The following JAK2 variants were observed in gnomAD, a reference collection of about 807,000 sequenced individuals.
JAK2 encodes the protein tyrosine-protein kinase JAK2.
Under a neutral mutation model 139.3 loss-of-function variants are expected in JAK2, and 86 were observed. The ratio of observed to expected loss-of-function variants is 0.62; its 90% CI spans 0.52 to 0.74. JAK2 has a LOEUF of 0.74. Among genes scored for constraint, JAK2 ranks in the 30% least tolerant of loss-of-function variants. JAK2 has a pLI of 0.00. For missense variants in JAK2, 1,421 were observed against 1,360.3 expected (o/e 1.04, Z -0.70); for synonymous variants, 490 against 437.7 (o/e 1.12, Z -1.49).
chr9:5,073,485 T>G lies in JAK2; in HGVS notation c.1777-213T>G, dbSNP rs1392506179. The stretch of plus-strand genomic sequence containing the variant: ...TGTACCACTCTTGCTCTCTCTCACT[T>G]TGATCTCCATATTCCAGGCTTACAC... On this transcript the variant is annotated intron_variant, in intron 13 of 24. Transcript: ENST00000381652. 2.0e-5 allele frequency among the ~76,000 whole-genome samples: 3 copies of G among 152,160 alleles called. No individual in the cohort carries two copies. The South Asian group carries it at 6.2e-4, about 32-fold the overall frequency.
chr9:5,081,783 G>A lies in JAK2; in HGVS notation c.2493G>A (p.Gly831=). Reference sequence around the variant, plus strand: ...CAAATATGAGGATAGGTGCCCTGGGGTTTTCTGGTGCCTTTGAAGACCGGG... The same window carrying A: ...CAAATATGAGGATAGGTGCCCTGGGATTTTCTGGTGCCTTTGAAGACCGGG... The part of the protein sequence containing the change: ...MLPNMRIGAL[G]FSGAFEDRDP... The change falls in exon 19 of 25, where the codon GGG becomes GGA. Residue 831 remains glycine, a synonymous_variant. Transcript: ENST00000381652. The A allele has an allele frequency of 6.2e-7, 1 of 1,608,908 alleles. No homozygotes were observed. The highest frequency in any genetic ancestry group is 1.1e-5 in the South Asian group (1 of 90,992).
intron 18 of JAK2, among the ~76,000 whole-genome samples, chr9:5,081,524 T>A (rs1819700033): frequency 6.6e-6 from 1 of 152,168 alleles, no homozygotes; most frequent in Non-Finnish European, 1.5e-5. Flanking sequence ...ATTTTATCCT[T>A]TGCAAAGTCT....
chr9:5,041,364 A>T (rs1006835649), intron 4 of JAK2: 1 of 629,142 alleles, frequency 1.6e-6, no homozygotes. Context: ...ATGAGCATCA[A>T]CATGCACCTG....
In JAK2 at chr9:5,016,099, TC is replaced by T. The variant is rs576141444; in HGVS notation, c.-25-5863del. On this transcript the variant is annotated intron_variant, in intron 2 of 24. Transcript: ENST00000381652. The stretch of plus-strand genomic sequence containing the variant: ...AGGATGTTACTTTTACTGCCAGCCG[TC>T]GCTTCCCTCCAAATAGACTATTGGA... Among the ~76,000 whole-genome samples the T allele has an allele frequency of 6.5e-3, 997 of 152,282 alleles. 8 individuals are homozygous for T. The highest frequency in any genetic ancestry group is 0.022 in the African/African-American group (917 of 41,562).
In JAK2 at chr9:5,025,185, C is replaced by G. The variant is rs539808362; in HGVS notation, c.226+2972C>G. Among the ~76,000 whole-genome samples, 23 of 152,082 alleles carry G rather than the reference C, an allele frequency of 1.5e-4. No homozygotes were observed. In the South Asian group the frequency reaches 3.5e-3, roughly 23 times the overall value. On this transcript the variant is annotated intron_variant, in intron 3 of 24. Transcript: ENST00000381652. ...GAGAAGGATAGGTCCTTGGAACTAC[C>G]TACTCCACCATTTTCACTGATGTTA...
At chr9:5,069,350 C>T in intron 11 of JAK2, 142 bp downstream of exon 11, 1 of 552,812 alleles carries the variant, frequency 1.8e-6, no homozygotes. Context: ...ATTGTACAAG[C>T]ATCATCAAAT....
intron 22 of JAK2, chr9:5,114,236 G>A: frequency 1.9e-6 from 1 of 527,920 alleles, no homozygotes; most frequent in Admixed American, 2.2e-5. Context: ...TCATCCGCAA[G>A]TTGCCCACAA....
Position 5,126,843 on chromosome 9 carries a change from A to G in JAK2, c.*52A>G, listed in dbSNP as rs144726392. 392 of 1,054,276 alleles carry G rather than the reference A, an allele frequency of 3.7e-4. 10 individuals carry two copies. The East Asian group carries it at 6.3e-3, about 17-fold the overall frequency. 65.3% of individuals were successfully genotyped at this position (1,054,276 alleles called of 1,614,324 possible). Reference sequence around the variant, plus strand: ...AAGTAGATTTACAGAACAAAGTTTTATATTTCACATTGCTGTGGACTATTA... The same window carrying G: ...AAGTAGATTTACAGAACAAAGTTTTGTATTTCACATTGCTGTGGACTATTA... On this transcript the variant is annotated 3_prime_UTR_variant, in exon 25 of 25. Transcript: ENST00000381652.
chr9:5,110,786 G>GGGCCAC, intron 22 of JAK2: 1 of 402,786 alleles, frequency 2.5e-6, no homozygotes, highest in South Asian at 2.0e-5. Flanking sequence ...GTAAGGGCCC[G>GGGCCAC]GGCCACGCGC....
At chr9:5,051,578 T>C (rs796400796) in intron 6 of JAK2, among the ~76,000 whole-genome samples, 2 of 152,184 alleles carry the variant, frequency 1.3e-5, no homozygotes, top group Non-Finnish European at 2.9e-5. Context: ...ATTCTTCAAA[T>C]TATTCTTCTG....
chr9:5,043,405 A>C (rs537359348), intron 4 of JAK2, among the ~76,000 whole-genome samples: 1 of 152,236 alleles, frequency 6.6e-6, no homozygotes, highest in Non-Finnish European at 1.5e-5. Context: ...CGATGGGATA[A>C]TAATAGGTCT....
At chr9:4,991,843 C>G (rs1021962323) in intron 2 of JAK2, among the ~76,000 whole-genome samples, 5 of 152,140 alleles carry the variant, frequency 3.3e-5, no homozygotes, top group African/African-American at 1.2e-4. Flanking sequence ...GAGCTCATCC[C>G]CTTTGCCTTC....
intron 5 of JAK2, 48 bp downstream of exon 5, chr9:5,044,568 T>G (rs779941926): frequency 8.4e-7 from 1 of 1,187,376 alleles, no homozygotes; most frequent in East Asian, 2.4e-5. Context: ...GATAAATATC[T>G]TGCTGTTTAA....
At chr9:5,121,671 T>A (rs901783186) in intron 22 of JAK2, among the ~76,000 whole-genome samples, 1 of 152,192 alleles carries the variant, frequency 6.6e-6, no homozygotes, top group African/African-American at 2.4e-5. Context: ...AAGATTTACA[T>A]ACACTTCAAA....
chr9:5,096,906 T>G (rs1244129031), intron 22 of JAK2: 1 of 152,130 alleles, frequency 6.6e-6, no homozygotes, highest in Non-Finnish European at 1.5e-5. Flanking sequence ...TTTCGGCAAC[T>G]AACTAGTCCC....
intron 8 of JAK2, among the ~76,000 whole-genome samples, chr9:5,057,964 G>T (rs1817884187): frequency 6.6e-6 from 1 of 151,934 alleles, no homozygotes; most frequent in African/African-American, 2.4e-5. Flanking sequence ...TTTGTGACAG[G>T]CTTATTTCAG....
rs1304897450 is a variant in JAK2, at chr9:5,127,412, T to C, written c.*621T>C. 1 of 231,658 alleles carries C rather than the reference T, an allele frequency of 4.3e-6. No individual in the cohort carries two copies. Among genetic ancestry groups the C allele is most frequent in the Non-Finnish European group, 8.6e-6 (1 of 116,708 alleles). 14.4% of individuals were successfully genotyped at this position (231,658 alleles called of 1,614,324 possible). A position where few individuals can be genotyped will look rare whatever the true frequency, so the allele number is the denominator to read the frequency against. ...CTTGTAGTTCCATGTACTGTAAATATTTTTCACATAAAGGGAACAAATGTC... is the reference window on the plus strand; with the variant it reads ...CTTGTAGTTCCATGTACTGTAAATACTTTTCACATAAAGGGAACAAATGTC... On this transcript the variant is annotated 3_prime_UTR_variant, in exon 25 of 25. Transcript: ENST00000381652.
chr9:5,091,095 G>A (rs1455291146), intron 22 of JAK2, 184 bp downstream of exon 22: 1 of 469,578 alleles, frequency 2.1e-6, no homozygotes, highest in Non-Finnish European at 3.7e-6. Context: ...GTGGGAAAAT[G>A]GCATATGCTT....
chr9:5,103,400 G>A (rs1298727281), intron 22 of JAK2, among the ~76,000 whole-genome samples: 2 of 151,966 alleles, frequency 1.3e-5, no homozygotes, highest in Middle Eastern at 3.4e-3. Flanking sequence ...ACCCAATACA[G>A]CAGCACCAAG....
Sources: allele counts gnomAD v4.1 joint callset (sites outside exome capture counted in the v4.1 genomes callset), GRCh38; gene constraint gnomAD v4.1.1; transcripts MANE v1.5; gene names NCBI Gene and HGNC (gene_info 2026-07-23, HGNC 2026-07-21).